Variants in MYCBP2 observed in about 807,000 individuals in gnomAD.
The protein encoded by MYCBP2 is MYC binding protein 2, also known as E3 ubiquitin-protein ligase MYCBP2.
In MYCBP2, 120 loss-of-function variants were observed where a neutral mutation model predicts 525.3. The observed-to-expected ratio is 0.23, with a 90% CI of 0.20 to 0.27. The LOEUF (loss-of-function observed/expected upper bound fraction) is 0.27. Ranked by LOEUF, MYCBP2 falls within the 10% of genes least tolerant of loss-of-function variation. The probability of loss-of-function intolerance (pLI) is 1.00; values close to 1 mark genes in which losing one functional copy is unlikely to be tolerated. For missense variants in MYCBP2, 4,149 were observed against 5,657.1 expected (o/e 0.73, Z 8.55); for synonymous variants, 1,894 against 1,955.8 (o/e 0.97, Z 0.83).
chr13:77,204,088 C>G (rs1593851136), intron 26 of MYCBP2, among the ~76,000 whole-genome samples: 2 of 149,802 alleles, frequency 1.3e-5, no homozygotes, highest in South Asian at 2.1e-4. Context: ...GCAAAAGAAA[C>G]TACCATCAGA....
rs760482292 is a variant in MYCBP2, at chr13:77,176,486, G to A, written c.5472+11C>T. 1.3e-6 allele frequency: 2 copies of A among 1,572,154 alleles called. No homozygotes were observed. Among genetic ancestry groups the A allele is most frequent in the Non-Finnish European group, 1.7e-6 (2 of 1,155,630 alleles). ...CTCTTATTCACAATAGAAACATTCA[G>A]TTGAAACTACCTTTAAAGGAACCAC... is the stretch of plus-strand genomic sequence containing the variant. On this transcript the variant is annotated intron_variant, in intron 36 of 82. Coordinates refer to ENST00000544440, the MANE Select transcript of MYCBP2 (RefSeq NM_015057.5).
intron 13 of MYCBP2, 27 bp downstream of exon 13, chr13:77,260,401 T>C: frequency 6.6e-7 from 1 of 1,511,552 alleles, no homozygotes; most frequent in Middle Eastern, 1.8e-4. Context: ...CTTCTTTGCA[T>C]AAAAGTAAAA....
Position 77,225,508 on chromosome 13 carries a change from T to A in MYCBP2, c.2784A>T (p.Thr928=), listed in dbSNP as rs758184809. 4 of 1,613,652 alleles carry A rather than the reference T, an allele frequency of 2.5e-6. No homozygotes were observed. The highest frequency in any genetic ancestry group is 3.4e-6 in the Non-Finnish European group (4 of 1,179,686). The part of the protein sequence containing the change: ...RGEKDASKIT[T]YPPGSVRFDC... ...CAAATCGCACAGAGCCTGGAGGGTA[T>A]GTTGTGATTTTGCTTGCATCCTTTT... Residue 928 remains threonine, a synonymous_variant, in exon 19 of 83, where the codon ACA becomes ACT. Coordinates refer to ENST00000544440, the MANE Select transcript of MYCBP2 (RefSeq NM_015057.5).
chr13:77,167,674 T>C (rs1267336104), intron 40 of MYCBP2, among the ~76,000 whole-genome samples: 1 of 152,204 alleles, frequency 6.6e-6, no homozygotes, highest in Non-Finnish European at 1.5e-5. Flanking sequence ...TATTTAAGGG[T>C]CTTTATATTT....
chr13:77,275,795 C>A (rs2075481227), intron 4 of MYCBP2, among the ~76,000 whole-genome samples: 1 of 152,076 alleles, frequency 6.6e-6, no homozygotes, highest in African/African-American at 2.4e-5. Flanking sequence ...ACCAGCCTGG[C>A]CAACATAGTG....
At position 77,166,494 on chromosome 13, in the gene MYCBP2, C is replaced by A; in HGVS notation, c.6175G>T (p.Ala2059Ser). The change falls in exon 41 of 83, where the codon GCA becomes TCA. Residue 2059 changes from alanine to serine, a missense_variant. Physicochemically the swap from Ala to Ser is moderately conservative, Grantham distance 99. Coordinates refer to ENST00000544440, the MANE Select transcript of MYCBP2 (RefSeq NM_015057.5). ...TIEFDPQCGT[A>S]QSEDVLRLLI... ...AAACGAAGGACATCTTCTGACTGTG[C>A]AGTACCACACTGAGGGTCAAATTCG... 1 of 1,613,904 alleles carries A rather than the reference C, an allele frequency of 6.2e-7. No homozygotes were observed.
At position 77,166,499 on chromosome 13, in the gene MYCBP2, C is replaced by A. The variant is rs2154215548; in HGVS notation, c.6170G>T (p.Gly2057Val). 1 of 1,613,818 alleles carries A rather than the reference C, an allele frequency of 6.2e-7. No individual in the cohort carries two copies. Among genetic ancestry groups the A allele is most frequent in the Non-Finnish European group, 8.5e-7 (1 of 1,179,818 alleles). ...WMTIEFDPQC[G>V]TAQSEDVLRL... ...AAGGACATCTTCTGACTGTGCAGTACCACACTGAGGGTCAAATTCGATTGT... is the reference window on the plus strand; with the variant it reads ...AAGGACATCTTCTGACTGTGCAGTAACACACTGAGGGTCAAATTCGATTGT... The change falls in exon 41 of 83, where the codon GGT becomes GTT. Residue 2057 changes from glycine to valine, a missense_variant. By Grantham distance (109) the Gly-to-Val change is moderately radical. Coordinates refer to ENST00000544440, the MANE Select transcript of MYCBP2 (RefSeq NM_015057.5).
intron 33 of MYCBP2, 147 bp from the exon 34 acceptor site, chr13:77,180,465 G>T: frequency 1.5e-6 from 1 of 650,498 alleles, no homozygotes; most frequent in Non-Finnish European, 2.6e-6. Context: ...TATATGTGGA[G>T]CCACTTTTCA....
chr13:77,174,053 A>T (rs2059387745), intron 37 of MYCBP2, among the ~76,000 whole-genome samples: 1 of 152,254 alleles, frequency 6.6e-6, no homozygotes, highest in Admixed American at 6.5e-5. Context: ...CAGCAACAGC[A>T]CATATGCCCA....
At chr13:77,133,818 T>A (rs73239496) in intron 52 of MYCBP2, among the ~76,000 whole-genome samples, 3,375 of 152,290 alleles carry the variant, frequency 0.022, 57 homozygotes, top group Middle Eastern at 0.075. Context: ...CAAGTCCTCC[T>A]CAAATGTCAC....
rs80143630 is a variant in MYCBP2 at position 77,297,585 on chromosome 13, A to G, written c.303-911T>C. Among the ~76,000 whole-genome samples, 449 of 152,310 alleles carry G rather than the reference A, an allele frequency of 2.9e-3. 3 individuals carry two copies. Among genetic ancestry groups the G allele is most frequent in the African/African-American group, 0.01 (428 of 41,558 alleles). Reference sequence around the variant, plus strand: ...GCAGTGACAAAAGAGAAAAATTTTAAGCCTAGGTCACTTGGAGGTAGACAA... The same window carrying G: ...GCAGTGACAAAAGAGAAAAATTTTAGGCCTAGGTCACTTGGAGGTAGACAA... On this transcript the variant is annotated intron_variant, in intron 1 of 82. Transcript: ENST00000544440.
At chr13:77,085,109 T>C (rs1190838800) in intron 62 of MYCBP2, among the ~76,000 whole-genome samples, 1 of 152,136 alleles carries the variant, frequency 6.6e-6, no homozygotes, top group Non-Finnish European at 1.5e-5. Flanking sequence ...TCATCGTAAC[T>C]ATAACTAGAA....
intron 18 of MYCBP2, among the ~76,000 whole-genome samples, chr13:77,226,139 T>G (rs747234877): frequency 5.3e-5 from 8 of 152,212 alleles, no homozygotes; most frequent in Non-Finnish European, 1.0e-4. Context: ...ATGTTTCCTG[T>G]GCCACCATCA....
At chr13:77,073,233 A>G (rs2041696256) in intron 68 of MYCBP2, among the ~76,000 whole-genome samples, 1 of 152,134 alleles carries the variant, frequency 6.6e-6, no homozygotes, top group African/African-American at 2.4e-5. Flanking sequence ...CAATATATGG[A>G]TTATCTTACG....
rs369278934 is a variant in MYCBP2 at position 77,274,286 on chromosome 13, C to T, written c.749-618G>A. On this transcript the variant is annotated intron_variant, in intron 4 of 82. Coordinates refer to ENST00000544440, the MANE Select transcript of MYCBP2 (RefSeq NM_015057.5). ...CATTTAGTGGTGAAGATGAAACACA[C>T]ACACACACAAATGTTTTACAACCAG... 3.4e-4 allele frequency among the ~76,000 whole-genome samples: 52 copies of T among 152,244 alleles called. No individual in the cohort carries two copies. The South Asian group carries it at 8.5e-3, about 25-fold the overall frequency.
chr13:77,172,591 A>G (rs1566802353), intron 37 of MYCBP2, among the ~76,000 whole-genome samples: 1 of 152,208 alleles, frequency 6.6e-6, no homozygotes, highest in Non-Finnish European at 1.5e-5. Flanking sequence ...GGCTTGGTCT[A>G]GACTATTAAA....
At chr13:77,263,293 G>GT (rs1567090240) in intron 10 of MYCBP2, among the ~76,000 whole-genome samples, 3 of 151,872 alleles carry the variant, frequency 2.0e-5, no homozygotes, top group African/African-American at 7.2e-5. Flanking sequence ...CATTTACAAC[G>GT]TAAGTTTTCA....
intron 37 of MYCBP2, among the ~76,000 whole-genome samples, chr13:77,172,485 TG>T (rs1452196923): frequency 6.6e-6 from 1 of 152,196 alleles, no homozygotes; most frequent in Non-Finnish European, 1.5e-5. Context: ...CAGATCACTC[TG>T]GCTGTGCTGT....
At chr13:77,137,003 A>G (rs1473217911) in intron 52 of MYCBP2, among the ~76,000 whole-genome samples, 1 of 152,170 alleles carries the variant, frequency 6.6e-6, no homozygotes, top group Non-Finnish European at 1.5e-5. Flanking sequence ...GAAGAAACCA[A>G]AAAAACCCTA....
Sources: allele counts gnomAD v4.1 joint callset (sites outside exome capture counted in the v4.1 genomes callset), GRCh38; gene constraint gnomAD v4.1.1; transcripts MANE v1.5; gene names NCBI Gene and HGNC (gene_info 2026-07-23, HGNC 2026-07-21).